The following CAMK1D variants were observed in gnomAD, a reference collection of about 807,000 sequenced individuals.
The protein encoded by CAMK1D is calcium/calmodulin dependent protein kinase ID, also known as calcium/calmodulin-dependent protein kinase type 1D.
In CAMK1D, 9 loss-of-function variants were observed where a neutral mutation model predicts 47.7. The ratio of observed to expected loss-of-function variants is 0.19; its 90% CI spans 0.11 to 0.33. CAMK1D has a LOEUF of 0.33. Among genes scored for constraint, CAMK1D ranks in the 10% least tolerant of loss-of-function variants. The pLI is 1.00. For synonymous variants in CAMK1D, 184 were observed against 184.9 expected, an observed-to-expected ratio of 0.99 and a Z score of 0.04; for missense variants, 291 against 488.7, an observed-to-expected ratio of 0.60 and a Z score of 3.81.
chr10:12,610,999 G>A (rs553221200), intron 2 of CAMK1D, among the ~76,000 whole-genome samples: 71 of 152,284 alleles, frequency 4.7e-4, no homozygotes, highest in African/African-American at 1.7e-3. Flanking sequence ...ACTCTTAGGA[G>A]TACTTTATGT....
intron 1 of CAMK1D, among the ~76,000 whole-genome samples, chr10:12,402,354 C>T (rs1388466048): frequency 6.6e-6 from 1 of 151,924 alleles, no homozygotes; most frequent in Non-Finnish European, 1.5e-5. Flanking sequence ...CCACCTCAGC[C>T]TACTGGGTAG....
intron 6 of CAMK1D, among the ~76,000 whole-genome samples, chr10:12,805,628 C>T (rs1838695802): frequency 6.6e-6 from 1 of 152,116 alleles, no homozygotes; most frequent in African/African-American, 2.4e-5. Context: ...CCTCGGCCTC[C>T]CAAAGTGCTA....
intron 2 of CAMK1D, among the ~76,000 whole-genome samples, chr10:12,586,739 A>G (rs1460456723): frequency 2.0e-5 from 3 of 152,210 alleles, no homozygotes; most frequent in Admixed American, 6.5e-5. Flanking sequence ...CATGAAAGAA[A>G]AAAAACAACA....
intron 1 of CAMK1D, among the ~76,000 whole-genome samples, chr10:12,387,445 T>TTATATATTATATTTTATA (rs1838558957): frequency 1.5e-5 from 1 of 66,660 alleles, no homozygotes; most frequent in Admixed American, 2.4e-4. Flanking sequence ...TATATATATT[T>TTATATATTATATTTTATA]TATATATATA....
intron 1 of CAMK1D, among the ~76,000 whole-genome samples, chr10:12,354,897 G>C (rs371522771): frequency 1.3e-5 from 2 of 149,422 alleles, no homozygotes; most frequent in South Asian, 4.3e-4. Flanking sequence ...GCTGGAGTGC[G>C]GTGGTGCGAT....
At chr10:12,456,621 T>G (rs1232638164) in intron 1 of CAMK1D, 1 of 151,932 alleles carries the variant, frequency 6.6e-6, no homozygotes, top group Non-Finnish European at 1.5e-5. Flanking sequence ...TCTACAAAAA[T>G]TTAAATCTTA....
intron 6 of CAMK1D, among the ~76,000 whole-genome samples, chr10:12,805,013 C>T (rs1035965757): frequency 6.6e-6 from 1 of 150,414 alleles, no homozygotes; most frequent in African/African-American, 2.4e-5. Context: ...ATAATCCCAG[C>T]ACTTTGGGAG....
At chr10:12,562,533 C>T (rs893547325) in intron 2 of CAMK1D, among the ~76,000 whole-genome samples, 1 of 152,202 alleles carries the variant, frequency 6.6e-6, no homozygotes, top group African/African-American at 2.4e-5. Flanking sequence ...AGAATCCAAA[C>T]TCATTTGCAA....
Position 12,769,654 on chromosome 10 carries a change from TTTC to T in CAMK1D, c.439-16_439-14del, listed in dbSNP as rs757388306. The T allele has an allele frequency of 1.2e-6, 2 of 1,613,016 alleles. No individual in the cohort carries two copies. Among genetic ancestry groups the T allele is most frequent in the South Asian group, 2.2e-5 (2 of 91,024 alleles). On this transcript the variant is annotated splice_polypyrimidine_tract_variant and intron_variant, in intron 4 of 10. Transcript: ENST00000619168. Reference sequence around the variant, plus strand: ...CTTTACACGTAGTTTGTAATGTTTTTTTCTTATTTTCTTTCTAGCCCGAAAATC... The same window carrying T: ...CTTTACACGTAGTTTGTAATGTTTTTTTATTTTCTTTCTAGCCCGAAAATC...
chr10:12,588,002 G>T (rs1312708759), intron 2 of CAMK1D, among the ~76,000 whole-genome samples: 1 of 151,884 alleles, frequency 6.6e-6, no homozygotes, highest in Non-Finnish European at 1.5e-5. Flanking sequence ...CAGCTTTGTG[G>T]GAGCACTTGA....
chr10:12,378,961 C>T (rs1306061417), intron 1 of CAMK1D, among the ~76,000 whole-genome samples: 3 of 152,080 alleles, frequency 2.0e-5, no homozygotes, highest in African/African-American at 7.2e-5. Context: ...AGGCACATAC[C>T]AGCATGCCCG....
rs1355238431 is a variant in CAMK1D, at chr10:12,580,315, T to C, written c.224+26959T>C. ...CTGTACCAATGTATCTGGACTAAAA[T>C]ATGCCCCTCCCTCCCTTCCTTCCTT... On this transcript the variant is annotated intron_variant, in intron 2 of 10. Transcript: ENST00000619168. Among the ~76,000 whole-genome samples the C allele has an allele frequency of 2.0e-5, 3 of 150,992 alleles. No individual in the cohort carries two copies. The South Asian group carries it at 6.3e-4, about 32-fold the overall frequency.
At chr10:12,546,893 G>A (rs1836394551) in intron 1 of CAMK1D, among the ~76,000 whole-genome samples, 1 of 151,914 alleles carries the variant, frequency 6.6e-6, no homozygotes, top group African/African-American at 2.4e-5. Flanking sequence ...CACCAACATG[G>A]CACATGTATA....
At chr10:12,397,682 C>T (rs571810020) in intron 1 of CAMK1D, among the ~76,000 whole-genome samples, 1 of 152,260 alleles carries the variant, frequency 6.6e-6, no homozygotes, top group Non-Finnish European at 1.5e-5. Context: ...AGTGAACCTC[C>T]TTGAAGTGCA....
chr10:12,744,724 C>T (rs1588877741), intron 3 of CAMK1D, among the ~76,000 whole-genome samples: 1 of 146,200 alleles, frequency 6.8e-6, no homozygotes, highest in Non-Finnish European at 1.5e-5. Context: ...GAGTTGGTCT[C>T]TACAAAAATA....
intron 2 of CAMK1D, among the ~76,000 whole-genome samples, chr10:12,556,848 G>A (rs753337464): frequency 1.3e-5 from 2 of 152,262 alleles, no homozygotes; most frequent in African/African-American, 4.8e-5. Context: ...CTCTATGTAT[G>A]TAGGGAGAAT....
chr10:12,359,969 T>C (rs550076209), intron 1 of CAMK1D, among the ~76,000 whole-genome samples: 2 of 152,328 alleles, frequency 1.3e-5, no homozygotes, highest in East Asian at 3.9e-4. Flanking sequence ...AGGATGTTAG[T>C]GTTAACACTT....
rs1554786375 is a variant in CAMK1D, at chr10:12,547,682, T to TCACACA, written c.93-5529_93-5524dup. Among the ~76,000 whole-genome samples the TCACACA allele has an allele frequency of 4.6e-4, 54 of 116,572 alleles. No homozygotes were observed. The East Asian group carries it at 0.011, about 25-fold the overall frequency. The allele number at this position is 116,572 out of a possible 152,430, so 76.5% of individuals were successfully genotyped here. A position where few individuals can be genotyped will look rare whatever the true frequency, so the allele number is the denominator to read the frequency against. ...CACTCTCTCTCTCTCTTTCTCTCTC[T>TCACACA]CACACACACACACACACACCACTGT... On this transcript the variant is annotated intron_variant, in intron 1 of 10. Transcript: ENST00000619168.
intron 1 of CAMK1D, among the ~76,000 whole-genome samples, chr10:12,382,552 T>TGGTG (rs1838375047): frequency 1.3e-5 from 2 of 152,104 alleles, no homozygotes; most frequent in African/African-American, 4.8e-5. Context: ...AGGATGGGCA[T>TGGTG]GGTGGCTCAC....
Sources: allele counts gnomAD v4.1 joint callset (sites outside exome capture counted in the v4.1 genomes callset), GRCh38; gene constraint gnomAD v4.1.1; transcripts MANE v1.5; gene names NCBI Gene and HGNC (gene_info 2026-07-23, HGNC 2026-07-21).